CENPF: variants seen among roughly 807,000 people sequenced by gnomAD.
CENPF encodes the protein centromere protein F.
CENPF carries 214 observed loss-of-function variants against 307.3 expected under a neutral mutation model. That is an observed-to-expected ratio of 0.70 (90% CI 0.62 to 0.78). CENPF has a LOEUF of 0.78. CENPF is among the 30% of genes least tolerant of loss of function. The probability of loss-of-function intolerance (pLI) is 0.00; values close to 1 mark genes in which losing one functional copy is unlikely to be tolerated. For missense variants in CENPF, 3,401 were observed against 3,483.9 expected, an observed-to-expected ratio of 0.98 and a Z score of 0.60; for synonymous variants, 1,259 against 1,270.6, an observed-to-expected ratio of 0.99 and a Z score of 0.19.
Position 214,623,054 on chromosome 1 carries a change from T to C in CENPF, c.1068+773T>C, listed in dbSNP as rs145462340. On this transcript the variant is annotated intron_variant, in intron 7 of 19. Coordinates refer to ENST00000366955, the MANE Select transcript of CENPF (RefSeq NM_016343.4). ...GACAAAACCTTGTCTCTACTACAGG[T>C]ACAAAAATTAGCCAGGTGTGGTGGT... 6.1e-3 allele frequency among the ~76,000 whole-genome samples: 929 copies of C among 152,184 alleles called. 27 individuals carry two copies. Among genetic ancestry groups the C allele is most frequent in the Admixed American group, 0.052 (798 of 15,280 alleles).
At position 214,655,361 on chromosome 1, in the gene CENPF, G is replaced by C. The variant is rs746336577; in HGVS notation, c.8443G>C (p.Glu2815Gln). The C allele has an allele frequency of 6.2e-7, 1 of 1,608,946 alleles. No homozygotes were observed. The highest frequency in any genetic ancestry group is 8.5e-7 in the Non-Finnish European group (1 of 1,177,904). ...AGAGGAAAAGGAGATACTGCAGAAA[G>C]AACTCTCTCAACTTCAAGCTGCACA... is the stretch of plus-strand genomic sequence containing the variant. ...LEEEKEILQK[E>Q]LSQLQAAQEK... Residue 2815 changes from glutamate to glutamine, a missense_variant, in exon 17 of 20, where the codon GAA (glutamate) becomes CAA (glutamine). Physicochemically the swap from Glu to Gln is conservative, Grantham distance 29 (BLOSUM62 2). Transcript: ENST00000366955.
intron 1 of CENPF, among the ~76,000 whole-genome samples, chr1:214,611,452 G>A (rs920068696): frequency 6.6e-6 from 1 of 151,882 alleles, no homozygotes; most frequent in African/African-American, 2.4e-5. Flanking sequence ...TGCAACCTCT[G>A]CCTCCCAAGT....
chr1:214,648,169 A>G (rs1294741677), intron 13 of CENPF, among the ~76,000 whole-genome samples: 1 of 152,170 alleles, frequency 6.6e-6, no homozygotes, highest in Non-Finnish European at 1.5e-5. Context: ...GGTTTTGGAT[A>G]CCTTGCAAGA....
Position 214,641,741 on chromosome 1 carries a change from T to C in CENPF, c.3403T>C (p.Leu1135=), listed in dbSNP as rs779390208. Residue 1135 remains leucine (L), a synonymous_variant, in exon 12 of 20, where the codon TTA becomes CTA. Coordinates refer to ENST00000366955, the MANE Select transcript of CENPF (RefSeq NM_016343.4). ...AGGLKQEIMT[L]KEEQNKMQKE... is the part of the protein sequence containing the mutation. ...TGGTTTAAAGCAAGAAATCATGACT[T>C]TAAAGGAAGAACAAAACAAAATGCA... 59 of 1,581,924 alleles carry C rather than the reference T, an allele frequency of 3.7e-5. No homozygotes were observed. The highest frequency in any genetic ancestry group is 4.8e-5 in the Non-Finnish European group (56 of 1,168,998).
Position 214,646,036 on chromosome 1 carries a change from G to T in CENPF, c.6466G>T (p.Val2156Phe). ...ERENDSLKDK[V>F]ENLERELQMS... ...GGAGAATGATTCACTTAAGGATAAA[G>T]TTGAGAACCTTGAAAGGGAATTGCA... Residue 2156 changes from valine to phenylalanine, a missense_variant, in exon 13 of 20, where the codon GTT becomes TTT. By Grantham distance (50) the Val-to-Phe change is conservative. Transcript: ENST00000366955. 1 of 1,614,068 alleles carries T rather than the reference G, an allele frequency of 6.2e-7. No homozygotes were observed. Among genetic ancestry groups the T allele is most frequent in the South Asian group, 1.1e-5 (1 of 91,088 alleles).
intron 6 of CENPF, 91 bp downstream of exon 6, chr1:214,621,037 T>C: frequency 3.9e-6 from 5 of 1,272,912 alleles, no homozygotes; most frequent in Non-Finnish European, 5.5e-6. Flanking sequence ...AAAGTGCTTA[T>C]GTGTTTTGTT....
At chr1:214,657,821 G>T (rs2102420395) in intron 18 of CENPF, among the ~76,000 whole-genome samples, 1 of 152,232 alleles carries the variant, frequency 6.6e-6, no homozygotes, top group South Asian at 2.1e-4. Flanking sequence ...TTTTTGTTTT[G>T]TTGTTTTAAT....
intron 9 of CENPF, 57 bp from the exon 10 acceptor site, chr1:214,632,423 A>T: frequency 1.9e-6 from 3 of 1,572,278 alleles, no homozygotes; most frequent in South Asian, 1.2e-5. Context: ...AGAATACATG[A>T]TTAATGAAAA....
chr1:214,624,455 T>G (rs1363382873), intron 7 of CENPF, among the ~76,000 whole-genome samples: 1 of 152,194 alleles, frequency 6.6e-6, no homozygotes, highest in African/African-American at 2.4e-5. Flanking sequence ...TTTAAAATAG[T>G]TATAGAACTA....
At chr1:214,609,604 G>C (rs1033589080) in intron 1 of CENPF, among the ~76,000 whole-genome samples, 1 of 152,076 alleles carries the variant, frequency 6.6e-6, no homozygotes, top group African/African-American at 2.4e-5. Flanking sequence ...TTTTATTTTT[G>C]GTTCAGGGGT....
chr1:214,651,655 C>T, intron 14 of CENPF, 55 bp from the exon 15 acceptor site: 2 of 1,332,972 alleles, frequency 1.5e-6, no homozygotes, highest in Non-Finnish European at 2.1e-6. Context: ...AAAAATATTT[C>T]CAGGTTCTTA....
At chr1:214,658,500 A>G (rs1658705014) in intron 18 of CENPF, among the ~76,000 whole-genome samples, 1 of 151,436 alleles carries the variant, frequency 6.6e-6, no homozygotes, top group Non-Finnish European at 1.5e-5. Flanking sequence ...TCCCCAACCC[A>G]ATTTTACAAT....
In CENPF at chr1:214,642,580, A is replaced by C; in HGVS notation, c.4242A>C (p.Leu1414Phe). 1 of 1,609,142 alleles carries C rather than the reference A, an allele frequency of 6.2e-7. No homozygotes were observed. The highest frequency in any genetic ancestry group is 8.5e-7 in the Non-Finnish European group (1 of 1,177,746). The change falls in exon 12 of 20, where the codon TTA becomes TTC. Residue 1414 changes from leucine to phenylalanine, a missense_variant. By Grantham distance (22) the Leu-to-Phe change is conservative. Coordinates refer to ENST00000366955, the MANE Select transcript of CENPF (RefSeq NM_016343.4). ...AATTGCAAGAGAAATTCTTATCTTT[A>C]CAAAGTGAACACAAAATTTTACATG... ...FAELQEKFLS[L>F]QSEHKILHDQ...
At chr1:214,658,762 T>G in intron 18 of CENPF, 88 bp from the exon 19 acceptor site, 1 of 1,341,008 alleles carries the variant, frequency 7.5e-7, no homozygotes, top group Non-Finnish European at 1.0e-6. Flanking sequence ...GTTTGCATTA[T>G]CCTTGTTAAA....
intron 3 of CENPF, among the ~76,000 whole-genome samples, chr1:214,616,768 A>G (rs2102533212): frequency 6.6e-6 from 1 of 151,984 alleles, no homozygotes; most frequent in African/African-American, 2.4e-5. Context: ...TTTGGAGCTA[A>G]ATGGAGCTAA....
intron 13 of CENPF, chr1:214,647,975 TA>T: frequency 2.0e-6 from 1 of 504,136 alleles, no homozygotes; most frequent in Non-Finnish European, 4.0e-6. Context: ...AGTTGATGAT[TA>T]AAGGGAAGAT....
At chr1:214,623,988 C>G (rs1657584627) in intron 7 of CENPF, among the ~76,000 whole-genome samples, 1 of 152,194 alleles carries the variant, frequency 6.6e-6, no homozygotes, top group African/African-American at 2.4e-5. Flanking sequence ...CAGGTTCTTT[C>G]ATTTGTTTAC....
At chr1:214,620,610 T>C in intron 5 of CENPF, 45 bp from the exon 6 acceptor site, 2 of 1,533,034 alleles carry the variant, frequency 1.3e-6, no homozygotes, top group Non-Finnish European at 1.8e-6. Context: ...TAGCCTTGAG[T>C]ATATAAGATC....
At chr1:214,629,279 T>G in intron 8 of CENPF, 108 bp downstream of exon 8, 1 of 1,102,724 alleles carries the variant, frequency 9.1e-7, no homozygotes, top group Non-Finnish European at 1.3e-6. Flanking sequence ...GGAAATTCTC[T>G]TAGAGGAGAA....
Sources: allele counts gnomAD v4.1 joint callset (sites outside exome capture counted in the v4.1 genomes callset), GRCh38; gene constraint gnomAD v4.1.1; transcripts MANE v1.5; gene names NCBI Gene and HGNC (gene_info 2026-07-23, HGNC 2026-07-21).